Variants in CNTN5 observed in about 807,000 individuals in gnomAD.
CNTN5 encodes contactin 5.
In CNTN5, 77 loss-of-function variants were observed where a neutral mutation model predicts 129.1. The observed-to-expected ratio is 0.60, with a 90% confidence interval of 0.50 to 0.72. The LOEUF is 0.72. Ranked by LOEUF, CNTN5 falls within the 30% of genes least tolerant of loss-of-function variation. CNTN5 has a pLI of 0.00. For synonymous variants in CNTN5, 509 were observed against 465.6 expected (o/e 1.09, Z -1.20); for missense variants, 1,478 against 1,328.8 (o/e 1.11, Z -1.75).
intron 1 of CNTN5, among the ~76,000 whole-genome samples, chr11:99,084,889 A>G (rs2135295431): frequency 6.6e-6 from 1 of 152,324 alleles, no homozygotes; most frequent in South Asian, 2.1e-4. Flanking sequence ...TGATCACGGC[A>G]GAACTTCATG....
chr11:99,414,692 C>T (rs996711407), intron 2 of CNTN5, among the ~76,000 whole-genome samples: 1 of 151,976 alleles, frequency 6.6e-6, no homozygotes, highest in Non-Finnish European at 1.5e-5. Context: ...ATGGGAGAGA[C>T]TAAGATGTGT....
At chr11:99,481,093 A>G (rs1375459187) in intron 2 of CNTN5, among the ~76,000 whole-genome samples, 1 of 151,916 alleles carries the variant, frequency 6.6e-6, no homozygotes, top group Non-Finnish European at 1.5e-5. Flanking sequence ...TCCACAGAGG[A>G]TTGGCATTTA....
chr11:99,517,198 C>T (rs1242852853), intron 2 of CNTN5, among the ~76,000 whole-genome samples: 1 of 152,036 alleles, frequency 6.6e-6, no homozygotes, highest in African/African-American at 2.4e-5. Flanking sequence ...CTTCTCTTTC[C>T]TTTATCCACA....
chr11:100,014,206 G>T (rs1271309592), intron 9 of CNTN5, among the ~76,000 whole-genome samples: 2 of 152,040 alleles, frequency 1.3e-5, no homozygotes, highest in African/African-American at 4.8e-5. Context: ...ATGATCTAGT[G>T]TGAATTACTA....
At chr11:99,383,137 G>A (rs996588983) in intron 2 of CNTN5, among the ~76,000 whole-genome samples, 2 of 151,978 alleles carry the variant, frequency 1.3e-5, no homozygotes, top group African/African-American at 2.4e-5. Flanking sequence ...TAACAGGCAG[G>A]AGCCACCACG....
chr11:100,086,210 T>A (rs899246531), intron 13 of CNTN5, among the ~76,000 whole-genome samples: 9 of 151,236 alleles, frequency 6.0e-5, no homozygotes, highest in East Asian at 1.9e-4. Flanking sequence ...TTTAATTTTT[T>A]AAATTATATT....
chr11:99,162,027 T>C (rs73541871), intron 1 of CNTN5, among the ~76,000 whole-genome samples: 3,467 of 152,212 alleles, frequency 0.023, 130 homozygotes, highest in African/African-American at 0.081. Flanking sequence ...ATAATACTTA[T>C]AAAAGTATAG....
intron 6 of CNTN5, among the ~76,000 whole-genome samples, chr11:99,910,336 G>T (rs768640367): frequency 1.3e-5 from 2 of 152,064 alleles, no homozygotes; most frequent in Non-Finnish European, 1.5e-5. Context: ...TTTATTTTAA[G>T]AACTATTATT....
rs879598344 is a variant in CNTN5 at position 99,528,182 on chromosome 11, A to G, written c.-70-27963A>G. ...TAATGCTGGAAAAAATAATTTTAAA[A>G]TTATTCTAAAAAATTCTTTACATAT... is the stretch of plus-strand genomic sequence containing the variant. On this transcript the variant is annotated intron_variant, in intron 2 of 24. Transcript: ENST00000524871. 4.6e-5 allele frequency among the ~76,000 whole-genome samples: 7 copies of G among 152,226 alleles called. No individual in the cohort carries two copies. The East Asian group carries it at 5.8e-4, about 13-fold the overall frequency.
chr11:99,213,483 C>CGT (rs1359759172), intron 1 of CNTN5, among the ~76,000 whole-genome samples: 7 of 136,572 alleles, frequency 5.1e-5, no homozygotes, highest in South Asian at 2.3e-4. Context: ...TATATACACA[C>CGT]ATATATATAT....
At chr11:99,375,260 G>T (rs1407240590) in intron 2 of CNTN5, among the ~76,000 whole-genome samples, 1 of 125,680 alleles carries the variant, frequency 8.0e-6, no homozygotes, top group South Asian at 2.7e-4. Context: ...TGTAGATCAC[G>T]CCACAGCACT....
At chr11:99,584,312 C>G (rs368913025) in intron 3 of CNTN5, among the ~76,000 whole-genome samples, 16 of 152,194 alleles carry the variant, frequency 1.1e-4, no homozygotes, top group East Asian at 7.7e-4. Flanking sequence ...TCCTAGCTCA[C>G]CATACTTATT....
intron 3 of CNTN5, among the ~76,000 whole-genome samples, chr11:99,628,393 G>A (rs1951207696): frequency 6.6e-6 from 1 of 151,834 alleles, no homozygotes; most frequent in Admixed American, 6.6e-5. Flanking sequence ...CTGGTACTTG[G>A]GAAATTATGC....
At chr11:99,203,595 G>C (rs767135356) in intron 1 of CNTN5, among the ~76,000 whole-genome samples, 2 of 151,226 alleles carry the variant, frequency 1.3e-5, no homozygotes, top group Middle Eastern at 3.4e-3. Flanking sequence ...TTTTTTGGGT[G>C]GGGGGTGGTG....
At chr11:99,450,435 T>C (rs1348713029) in intron 2 of CNTN5, among the ~76,000 whole-genome samples, 1 of 152,098 alleles carries the variant, frequency 6.6e-6, no homozygotes, top group Non-Finnish European at 1.5e-5. Context: ...AATTAGCAAA[T>C]ACTAAGCCAT....
At chr11:99,999,901 G>T (rs1004678724) in intron 8 of CNTN5, among the ~76,000 whole-genome samples, 2 of 151,666 alleles carry the variant, frequency 1.3e-5, no homozygotes, top group African/African-American at 4.9e-5. Flanking sequence ...GTAAACTGTC[G>T]CAAGGCCAAA....
intron 9 of CNTN5, among the ~76,000 whole-genome samples, chr11:100,044,707 T>C (rs1942573938): frequency 6.6e-6 from 1 of 152,104 alleles, no homozygotes; most frequent in Non-Finnish European, 1.5e-5. Flanking sequence ...TTACTTAAGT[T>C]CATTGTATAT....
At chr11:100,310,005 T>A (rs1391362357) in intron 21 of CNTN5, among the ~76,000 whole-genome samples, 1 of 151,926 alleles carries the variant, frequency 6.6e-6, no homozygotes, top group Non-Finnish European at 1.5e-5. Flanking sequence ...CCTTGCTGCG[T>A]GCATCAGGCC....
intron 13 of CNTN5, among the ~76,000 whole-genome samples, chr11:100,099,979 G>A (rs1011443479): frequency 5.9e-5 from 9 of 151,986 alleles, no homozygotes; most frequent in Non-Finnish European, 5.9e-5. Context: ...GTGAAATGTG[G>A]AAATTTTCAC....
Sources: allele counts gnomAD v4.1 joint callset (sites outside exome capture counted in the v4.1 genomes callset), GRCh38; gene constraint gnomAD v4.1.1; transcripts MANE v1.5; gene names NCBI Gene and HGNC (gene_info 2026-07-23, HGNC 2026-07-21).